The following LRP1B variants were observed in gnomAD, a reference collection of about 807,000 sequenced individuals.
The protein encoded by LRP1B is LDL receptor related protein 1B, also known as low-density lipoprotein receptor-related protein 1B.
Under a neutral mutation model 556.6 loss-of-function variants are expected in LRP1B, and 217 were observed. The observed-to-expected ratio is 0.39, with a 90% confidence interval of 0.35 to 0.44. The LOEUF (loss-of-function observed/expected upper bound fraction) is 0.44. LRP1B is among the 20% of genes least tolerant of loss of function. The pLI, the probability that LRP1B is intolerant of heterozygous loss-of-function variation, is 1.00. For synonymous variants in LRP1B, 2,047 were observed against 1,865.8 expected (o/e 1.10, Z -2.50); for missense variants, 5,053 against 5,620.8 (o/e 0.90, Z 3.23).
intron 41 of LRP1B, among the ~76,000 whole-genome samples, chr2:140,627,115 C>A (rs558214525): frequency 3.4e-4 from 52 of 152,238 alleles, no homozygotes; most frequent in South Asian, 2.5e-3. Context: ...TTAAAATGGA[C>A]AGTGGCTTAG....
chr2:141,473,224 A>AACAT (rs533518881), intron 3 of LRP1B, among the ~76,000 whole-genome samples: 2 of 152,208 alleles, frequency 1.3e-5, no homozygotes, highest in African/African-American at 2.4e-5. Context: ...TGAAAAAATG[A>AACAT]ACATACATAC....
intron 6 of LRP1B, among the ~76,000 whole-genome samples, chr2:141,193,996 T>C (rs1039738268): frequency 2.6e-5 from 4 of 152,206 alleles, no homozygotes; most frequent in South Asian, 4.1e-4. Flanking sequence ...TTTTCTCCAA[T>C]AGAGATGCAA....
At chr2:140,351,079 TC>T (rs779286393) in intron 76 of LRP1B, 41 bp from the exon 77 acceptor site, 16 of 1,275,798 alleles carry the variant, frequency 1.3e-5, no homozygotes, top group East Asian at 4.9e-5. Context: ...AAAGTAAATT[TC>T]AACTAATGTT....
At chr2:141,904,906 C>T (rs1240318745) in intron 1 of LRP1B, among the ~76,000 whole-genome samples, 1 of 151,870 alleles carries the variant, frequency 6.6e-6, no homozygotes, top group Non-Finnish European at 1.5e-5. Context: ...AGAGACCTGA[C>T]CACCTACTTG....
At chr2:141,773,501 A>C (rs1694965606) in intron 2 of LRP1B, among the ~76,000 whole-genome samples, 1 of 152,200 alleles carries the variant, frequency 6.6e-6, no homozygotes. Context: ...TATCACTACA[A>C]AGTAGCAAAG....
At chr2:140,902,593 G>A (rs932825870) in intron 23 of LRP1B, among the ~76,000 whole-genome samples, 1 of 152,072 alleles carries the variant, frequency 6.6e-6, no homozygotes, top group Admixed American at 6.6e-5. Context: ...GGGAATGTGG[G>A]GCAGGACCCC....
intron 6 of LRP1B, among the ~76,000 whole-genome samples, chr2:141,190,754 G>A (rs553452355): frequency 1.9e-4 from 29 of 151,788 alleles, no homozygotes; most frequent in African/African-American, 6.5e-4. Flanking sequence ...TTCCTTTCTC[G>A]AACTTAGAAT....
intron 25 of LRP1B, among the ~76,000 whole-genome samples, chr2:140,877,959 G>T (rs1427703819): frequency 6.6e-6 from 1 of 152,162 alleles, no homozygotes; most frequent in Admixed American, 6.6e-5. Flanking sequence ...GACAGCTTTA[G>T]TTCTATGTAT....
At chr2:141,544,378 TC>T (rs1685461593) in intron 2 of LRP1B, among the ~76,000 whole-genome samples, 5 of 111,212 alleles carry the variant, frequency 4.5e-5, no homozygotes, top group African/African-American at 1.6e-4. Flanking sequence ...TTCTTCTTCT[TC>T]TTCTCCTCCT....
chr2:140,638,908 T>C (rs1249657761), intron 41 of LRP1B, among the ~76,000 whole-genome samples: 2 of 151,852 alleles, frequency 1.3e-5, no homozygotes, highest in Admixed American at 1.3e-4. Context: ...ACAATTTATA[T>C]ATAGTTCGTA....
At chr2:142,033,940 C>T (rs2105201992) in intron 1 of LRP1B, among the ~76,000 whole-genome samples, 1 of 151,906 alleles carries the variant, frequency 6.6e-6, no homozygotes, top group African/African-American at 2.4e-5. Context: ...TTCAAGTACT[C>T]ATTTTCAGTT....
intron 7 of LRP1B, among the ~76,000 whole-genome samples, chr2:141,157,748 T>C (rs970730507): frequency 6.6e-6 from 1 of 152,140 alleles, no homozygotes. Flanking sequence ...TTGTTTAACA[T>C]CGCTGAGAAA....
At chr2:142,017,416 A>G (rs191549535) in intron 1 of LRP1B, among the ~76,000 whole-genome samples, 19 of 152,194 alleles carry the variant, frequency 1.2e-4, no homozygotes, top group South Asian at 6.2e-4. Flanking sequence ...ATAAACTATT[A>G]TCTCCCAATG....
intron 29 of LRP1B, among the ~76,000 whole-genome samples, chr2:140,849,309 T>C (rs1692376953): frequency 6.7e-6 from 1 of 149,382 alleles, no homozygotes; most frequent in Non-Finnish European, 1.5e-5. Flanking sequence ...TAGATGGAGG[T>C]TGCAGTGAGC....
chr2:141,395,605 A>T (rs184821979), intron 3 of LRP1B, among the ~76,000 whole-genome samples: 3 of 152,266 alleles, frequency 2.0e-5, no homozygotes, highest in African/African-American at 4.8e-5. Context: ...CACGATGAGG[A>T]TCCCAACAGA....
At chr2:140,821,342 A>G (rs558523406) in intron 31 of LRP1B, among the ~76,000 whole-genome samples, 2 of 152,274 alleles carry the variant, frequency 1.3e-5, no homozygotes, top group East Asian at 3.9e-4. Context: ...GTGTGTTAGC[A>G]TGTGTAATTA....
At chr2:141,329,116 A>T (rs1687536556) in intron 3 of LRP1B, among the ~76,000 whole-genome samples, 1 of 152,178 alleles carries the variant, frequency 6.6e-6, no homozygotes, top group Non-Finnish European at 1.5e-5. Flanking sequence ...GACCAGGCAC[A>T]GTGGCTTATG....
intron 7 of LRP1B, among the ~76,000 whole-genome samples, chr2:141,148,805 C>T (rs186394745): frequency 1.8e-3 from 274 of 152,088 alleles, no homozygotes; most frequent in African/African-American, 6.0e-3. Flanking sequence ...ACAAGGAGGC[C>T]GGGCATGGTG....
At chr2:141,888,977 A>C (rs12611498) in intron 1 of LRP1B, among the ~76,000 whole-genome samples, 2 of 151,886 alleles carry the variant, frequency 1.3e-5, no homozygotes, top group Non-Finnish European at 2.9e-5. Flanking sequence ...AAAATTTATA[A>C]TAATTGAATA....
Sources: allele counts gnomAD v4.1 joint callset (sites outside exome capture counted in the v4.1 genomes callset), GRCh38; gene constraint gnomAD v4.1.1; transcripts MANE v1.5; gene names NCBI Gene and HGNC (gene_info 2026-07-23, HGNC 2026-07-21).